Variants in ANTXR1 observed in about 807,000 individuals in gnomAD.
ANTXR1 encodes ANTXR cell adhesion molecule 1.
A neutral mutation model predicts 78.1 loss-of-function variants in ANTXR1; 19 were observed. The ratio of observed to expected loss-of-function variants is 0.24; its 90% CI spans 0.17 to 0.36. ANTXR1 has a LOEUF of 0.36. Ranked by LOEUF, ANTXR1 falls within the 10% of genes least tolerant of loss-of-function variation. ANTXR1 has a pLI of 1.00. For synonymous variants in ANTXR1, 273 were observed against 260.5 expected (o/e 1.05, Z -0.46); for missense variants, 518 against 718.6 (o/e 0.72, Z 3.19).
intron 3 of ANTXR1, among the ~76,000 whole-genome samples, chr2:69,050,508 A>C (rs1461286672): frequency 2.0e-5 from 3 of 150,676 alleles, no homozygotes; most frequent in Non-Finnish European, 4.4e-5. Context: ...AACGGATTAC[A>C]TGAGCTTGGA....
intron 12 of ANTXR1, among the ~76,000 whole-genome samples, chr2:69,139,316 C>G (rs1217588885): frequency 6.6e-6 from 1 of 152,206 alleles, no homozygotes; most frequent in Non-Finnish European, 1.5e-5. Context: ...CTGCTCTGAG[C>G]TCAGGCACTG....
intron 1 of ANTXR1, among the ~76,000 whole-genome samples, chr2:69,021,345 G>A (rs1423963951): frequency 1.3e-5 from 2 of 152,170 alleles, no homozygotes; most frequent in Non-Finnish European, 2.9e-5. Context: ...AAAGAACATT[G>A]AATCAATCAA....
rs1009435072 is a variant in ANTXR1, at chr2:69,245,230, C to T, written c.1440C>T (p.Arg480=). 3 of 1,613,912 alleles carry T rather than the reference C, an allele frequency of 1.9e-6. No homozygotes were observed. In the African/African-American group the frequency reaches 4.0e-5, roughly 22 times the overall value. ...VMRPQPGDTG[R]CINFTRVKNN... is the part of the protein sequence containing the mutation. ...TCTCTCCAATTCTTTTCTAGGGGCG[C>T]TGCATCAACTTCACCAGGGTCAAGA... The change falls in exon 18 of 18, where the codon CGC becomes CGT. Residue 480 remains arginine (R), a synonymous_variant. Coordinates refer to ENST00000303714, the MANE Select transcript of ANTXR1 (RefSeq NM_032208.3).
intron 1 of ANTXR1, among the ~76,000 whole-genome samples, chr2:69,029,616 T>C (rs1320670487): frequency 6.6e-6 from 1 of 151,966 alleles, no homozygotes; most frequent in Non-Finnish European, 1.5e-5. Context: ...TGGCGTTAGT[T>C]TTTTTACTCT....
intron 3 of ANTXR1, among the ~76,000 whole-genome samples, chr2:69,054,469 C>T (rs906899002): frequency 3.3e-5 from 5 of 152,162 alleles, no homozygotes; most frequent in African/African-American, 7.2e-5. Context: ...AAATACTCCT[C>T]ACAAAGAGGT....
At chr2:69,103,237 C>A (rs961838938) in intron 10 of ANTXR1, 5 of 429,756 alleles carry the variant, frequency 1.2e-5, no homozygotes, top group Non-Finnish European at 2.2e-5. Context: ...AGCAGCCCTC[C>A]GGAAGCAGCG....
intron 16 of ANTXR1, among the ~76,000 whole-genome samples, chr2:69,189,262 G>T (rs957708794): frequency 1.3e-5 from 2 of 152,166 alleles, no homozygotes; most frequent in African/African-American, 2.4e-5. Context: ...AATGACAGCA[G>T]CTCACCCGGA....
Position 69,245,697 on chromosome 2 carries a change from C to A in ANTXR1, c.*212C>A. The A allele has an allele frequency of 3.2e-6, 2 of 629,900 alleles. No homozygotes were observed. The highest frequency in any genetic ancestry group is 2.7e-6 in the Non-Finnish European group (1 of 371,300). 39.0% of individuals were successfully genotyped at this position (629,900 alleles called of 1,614,324 possible). On this transcript the variant is annotated 3_prime_UTR_variant, in exon 18 of 18. Transcript: ENST00000303714. ...AAACAAATGATGAGGCAACTACAGT[C>A]AGATTTATAGCCAGCCATCTATCAC...
At chr2:69,172,623 A>G (rs1674020187) in intron 14 of ANTXR1, 4 of 1,002,014 alleles carry the variant, frequency 4.0e-6, no homozygotes, top group Non-Finnish European at 5.1e-6. Flanking sequence ...AGCTCTATCA[A>G]CATCATATTC....
At chr2:69,230,461 A>G (rs946854072) in intron 17 of ANTXR1, among the ~76,000 whole-genome samples, 4 of 152,146 alleles carry the variant, frequency 2.6e-5, no homozygotes, top group African/African-American at 9.7e-5. Flanking sequence ...TTAGCATTTC[A>G]TATAGCCTTA....
rs867289054 is a variant in ANTXR1, at chr2:69,113,087, G to A, written c.803-9930G>A. Among the ~76,000 whole-genome samples, 10 of 152,274 alleles carry A rather than the reference G, an allele frequency of 6.6e-5. No individual in the cohort carries two copies. In the Middle Eastern group the frequency reaches 0.02, roughly 311 times the overall value. ...CTACCAAGTTTGAAATTGACTCCACGTGAAAATCGTGAGCTCCACGAGGAC... is the reference window on the plus strand; with the variant it reads ...CTACCAAGTTTGAAATTGACTCCACATGAAAATCGTGAGCTCCACGAGGAC... On this transcript the variant is annotated intron_variant, in intron 10 of 17. Transcript: ENST00000303714.
At chr2:69,070,356 C>G (rs1156789099) in intron 3 of ANTXR1, among the ~76,000 whole-genome samples, 1 of 152,106 alleles carries the variant, frequency 6.6e-6, no homozygotes. Context: ...TTTAGAGACT[C>G]ATTTCCAATG....
intron 1 of ANTXR1, among the ~76,000 whole-genome samples, chr2:69,014,712 G>A (rs1670970196): frequency 6.6e-6 from 1 of 152,162 alleles, no homozygotes; most frequent in African/African-American, 2.4e-5. Flanking sequence ...TACAGTGGTG[G>A]GGAGATGGAT....
At chr2:69,040,942 G>A (rs996341611) in intron 2 of ANTXR1, among the ~76,000 whole-genome samples, 8 of 152,188 alleles carry the variant, frequency 5.3e-5, no homozygotes, top group African/African-American at 1.9e-4. Flanking sequence ...CTCTGTCTCA[G>A]AATACAGGTT....
Position 69,013,495 on chromosome 2 carries a change from G to C in ANTXR1, c.-5G>C. On this transcript the variant is annotated 5_prime_UTR_variant, in exon 1 of 18. Coordinates refer to ENST00000303714, the MANE Select transcript of ANTXR1 (RefSeq NM_032208.3). This position sits in a 1 kb window ranked among gnomAD's most constrained non-coding sequence, Gnocchi z 5.0. ...GCGGACCCTGCTCTCCCCGGGCTGC[G>C]GGCCATGGCCACGGCGGAGCGGAGA... 3 of 1,588,474 alleles carry C rather than the reference G, an allele frequency of 1.9e-6. No homozygotes were observed. Among genetic ancestry groups the C allele is most frequent in the Non-Finnish European group, 2.6e-6 (3 of 1,169,746 alleles).
intron 13 of ANTXR1, among the ~76,000 whole-genome samples, chr2:69,164,584 G>A (rs945663974): frequency 1.3e-5 from 2 of 152,206 alleles, no homozygotes; most frequent in African/African-American, 4.8e-5. Flanking sequence ...ACACAGTTCA[G>A]TGAGTTTGTT....
At chr2:69,042,916 C>G (rs1336445305) in intron 2 of ANTXR1, among the ~76,000 whole-genome samples, 1 of 152,168 alleles carries the variant, frequency 6.6e-6, no homozygotes, top group Non-Finnish European at 1.5e-5. Flanking sequence ...TCTCACTGGC[C>G]TCAGCCAGCC....
chr2:69,096,338 GAGGA>G (rs1671420216), intron 9 of ANTXR1, among the ~76,000 whole-genome samples: 1 of 14,822 alleles, frequency 6.7e-5, no homozygotes, highest in African/African-American at 3.3e-4. Flanking sequence ...GGGAGGAAGG[GAGGA>G]AGGGAGGAAG....
intron 3 of ANTXR1, among the ~76,000 whole-genome samples, chr2:69,060,975 C>G (rs1330661210): frequency 6.6e-6 from 1 of 152,044 alleles, no homozygotes; most frequent in East Asian, 1.9e-4. Context: ...CATAAAAACA[C>G]CACATATAAG....
Sources: allele counts gnomAD v4.1 joint callset (sites outside exome capture counted in the v4.1 genomes callset), GRCh38; gene constraint gnomAD v4.1.1; non-coding constraint Gnocchi (gnomAD v3.1); transcripts MANE v1.5; gene names NCBI Gene and HGNC (gene_info 2026-07-23, HGNC 2026-07-21).